Variants in ABHD17B observed in about 807,000 individuals in gnomAD.
ABHD17B encodes the protein abhydrolase domain containing 17B, depalmitoylase.
In ABHD17B, 9 loss-of-function variants were observed where a neutral mutation model predicts 26.2. The observed-to-expected ratio is 0.34, with a 90% CI of 0.21 to 0.60. ABHD17B has a LOEUF of 0.60. Among genes scored for constraint, ABHD17B ranks in the 20% least tolerant of loss-of-function variants. ABHD17B has a pLI of 0.80. For synonymous variants in ABHD17B, 127 were observed against 122.3 expected (o/e 1.04, Z -0.25); for missense variants, 224 against 352.1 (o/e 0.64, Z 2.91).
In ABHD17B at chr9:71,874,924, G is replaced by A. The variant is rs1197832194; in HGVS notation, c.157C>T (p.Arg53Ter). Residue 53 changes from arginine to a stop codon, truncating the protein, a stop_gained, in exon 2 of 4, where the codon CGA becomes TGA. Transcript: ENST00000333421. LOFTEE classifies it high-confidence loss of function. ...GSRWTLHLSE[R>*]ADWQYSSREK... The stretch of plus-strand genomic sequence containing the variant: ...CTAGAAGAATACTGCCAGTCTGCTC[G>A]TTCAGACAGATGTAAAGTCCAACGG... 1.9e-6 allele frequency: 3 copies of A among 1,614,040 alleles called. No individual in the cohort carries two copies. The highest frequency in any genetic ancestry group is 1.3e-5 in the African/African-American group (1 of 74,904).
chr9:71,890,723 G>A (rs549953962), intron 1 of ABHD17B, among the ~76,000 whole-genome samples: 149 of 152,136 alleles, frequency 9.8e-4, no homozygotes, highest in Non-Finnish European at 1.7e-3. Flanking sequence ...GCACATTTTC[G>A]TTTGCTTCAC....
chr9:71,907,519 T>C (rs1827320519), intron 1 of ABHD17B, among the ~76,000 whole-genome samples: 1 of 152,132 alleles, frequency 6.6e-6, no homozygotes, highest in Admixed American at 6.5e-5. Flanking sequence ...TTTTTTGTTT[T>C]TGTTTTTCTG....
At chr9:71,893,366 T>C (rs1176232899) in intron 1 of ABHD17B, among the ~76,000 whole-genome samples, 1 of 152,216 alleles carries the variant, frequency 6.6e-6, no homozygotes, top group African/African-American at 2.4e-5. Context: ...TGCTTCTGAC[T>C]AACTGGCTAT....
At chr9:71,909,190 T>C (rs796284538) in intron 1 of ABHD17B, among the ~76,000 whole-genome samples, 1 of 152,190 alleles carries the variant, frequency 6.6e-6, no homozygotes, top group South Asian at 2.1e-4. Flanking sequence ...CTGCTAAAAA[T>C]CTAATCCTGT....
intron 1 of ABHD17B, among the ~76,000 whole-genome samples, chr9:71,910,419 T>C (rs1277535228): frequency 6.6e-6 from 1 of 150,964 alleles, no homozygotes; most frequent in Non-Finnish European, 1.5e-5. Context: ...CACGCAACCA[T>C]CAGAGAATCC....
At chr9:71,900,400 C>T (rs1322784586) in intron 1 of ABHD17B, among the ~76,000 whole-genome samples, 2 of 152,132 alleles carry the variant, frequency 1.3e-5, no homozygotes, top group Admixed American at 6.5e-5. Context: ...GACGGTGGCT[C>T]GTGCCTGTAA....
At chr9:71,892,479 G>A (rs1039824399) in intron 1 of ABHD17B, among the ~76,000 whole-genome samples, 1 of 151,910 alleles carries the variant, frequency 6.6e-6, no homozygotes, top group Non-Finnish European at 1.5e-5. Flanking sequence ...CTTGCAGTGA[G>A]AGGAGATCAC....
intron 2 of ABHD17B, among the ~76,000 whole-genome samples, chr9:71,872,245 C>T (rs1025528291): frequency 2.0e-5 from 3 of 151,930 alleles, no homozygotes; most frequent in Admixed American, 1.3e-4. Flanking sequence ...GGTTTCAACA[C>T]GAAAGAAAAC....
chr9:71,905,018 G>T (rs777696670), intron 1 of ABHD17B, among the ~76,000 whole-genome samples: 2 of 152,028 alleles, frequency 1.3e-5, no homozygotes, highest in Admixed American at 1.3e-4. Flanking sequence ...TATAGAGAAG[G>T]CTTTCTCCAA....
chr9:71,874,390 T>C (rs1826200235), intron 2 of ABHD17B, among the ~76,000 whole-genome samples: 1 of 152,236 alleles, frequency 6.6e-6, no homozygotes, highest in Non-Finnish European at 1.5e-5. Context: ...TATACGTGTA[T>C]TAATGTAGAC....
intron 1 of ABHD17B, among the ~76,000 whole-genome samples, chr9:71,886,140 T>C (rs1000453352): frequency 6.6e-6 from 1 of 152,204 alleles, no homozygotes; most frequent in Non-Finnish European, 1.5e-5. Flanking sequence ...TCATTCTGTG[T>C]AATCTGTAGT....
intron 1 of ABHD17B, among the ~76,000 whole-genome samples, chr9:71,890,981 T>C (rs1826763337): frequency 6.6e-6 from 1 of 152,112 alleles, no homozygotes; most frequent in African/African-American, 2.4e-5. Context: ...CAAGCTCCTT[T>C]TTGTAAGATT....
intron 1 of ABHD17B, among the ~76,000 whole-genome samples, chr9:71,877,445 T>A (rs765369034): frequency 6.6e-6 from 1 of 152,252 alleles, no homozygotes; most frequent in African/African-American, 2.4e-5. Flanking sequence ...CGAGACGAAG[T>A]CTCACTCTAT....
chr9:71,898,651 C>G (rs1827035949), intron 1 of ABHD17B, among the ~76,000 whole-genome samples: 1 of 151,430 alleles, frequency 6.6e-6, no homozygotes, highest in Non-Finnish European at 1.5e-5. Flanking sequence ...AACAAACAAA[C>G]AAACAAACAA....
intron 1 of ABHD17B, among the ~76,000 whole-genome samples, chr9:71,885,098 G>A (rs1413250055): frequency 6.6e-6 from 1 of 151,996 alleles, no homozygotes; most frequent in African/African-American, 2.4e-5. Context: ...ACACAGAGAA[G>A]GACCCTATTC....
intron 1 of ABHD17B, among the ~76,000 whole-genome samples, chr9:71,891,242 ATATT>A (rs1428638327): frequency 5.3e-5 from 8 of 152,336 alleles, no homozygotes; most frequent in African/African-American, 1.7e-4. Flanking sequence ...TCTCTCAAAA[ATATT>A]TATGAGATTT....
At chr9:71,905,579 T>C (rs940572310) in intron 1 of ABHD17B, among the ~76,000 whole-genome samples, 1 of 152,198 alleles carries the variant, frequency 6.6e-6, no homozygotes, top group African/African-American at 2.4e-5. Context: ...TTTAATAAAG[T>C]TGAAGACATT....
chr9:71,895,936 T>A (rs1826939298), intron 1 of ABHD17B, among the ~76,000 whole-genome samples: 2 of 152,194 alleles, frequency 1.3e-5, no homozygotes, highest in South Asian at 4.1e-4. Flanking sequence ...AGGTCCAAAA[T>A]ATTTAATAAC....
At chr9:71,900,434 G>A (rs1827098170) in intron 1 of ABHD17B, among the ~76,000 whole-genome samples, 1 of 152,074 alleles carries the variant, frequency 6.6e-6, no homozygotes. Context: ...GGAGGCTGAG[G>A]CGGACAGGAG....
Sources: gnomAD v4.1 joint callset for allele counts (sites outside exome capture counted in the v4.1 genomes callset) on GRCh38, gnomAD v4.1.1 for gene constraint, MANE v1.5 for transcripts, NCBI Gene and HGNC (gene_info 2026-07-23, HGNC 2026-07-21) for gene names.